PRKAR1B: variants seen among roughly 807,000 people sequenced by gnomAD.
PRKAR1B encodes the protein protein kinase cAMP-dependent type I regulatory subunit beta.
In PRKAR1B, 22 loss-of-function variants were observed where a neutral mutation model predicts 46.5. That is an observed-to-expected ratio of 0.47 (90% confidence interval 0.34 to 0.68). The LOEUF is 0.68. PRKAR1B is among the 30% of genes least tolerant of loss of function. The probability of loss-of-function intolerance (pLI) is 0.01; values close to 1 mark genes in which losing one functional copy is unlikely to be tolerated. For synonymous variants in PRKAR1B, 259 were observed against 217.7 expected (o/e 1.19, Z -1.67); for missense variants, 445 against 535.6 (o/e 0.83, Z 1.67).
At chr7:566,419 AC>A (rs1178607244) in intron 9 of PRKAR1B, among the ~76,000 whole-genome samples, 1 of 151,862 alleles carries the variant, frequency 6.6e-6, no homozygotes, top group Admixed American at 6.6e-5. Flanking sequence ...CATCATTATC[AC>A]CATCACCACC....
intron 4 of PRKAR1B, among the ~76,000 whole-genome samples, chr7:657,561 G>A (rs1785280441): frequency 6.6e-6 from 1 of 152,166 alleles, no homozygotes; most frequent in African/African-American, 2.4e-5. Flanking sequence ...ACAAAGCTAT[G>A]GGGGTGGTGG....
At position 628,176 on chromosome 7, in the gene PRKAR1B, C is replaced by G. The variant is rs559962676; in HGVS notation, c.441-20724G>C. Among the ~76,000 whole-genome samples, 4 of 152,372 alleles carry G rather than the reference C, an allele frequency of 2.6e-5. 1 individual carries two copies. In the South Asian group the frequency reaches 6.2e-4, roughly 24 times the overall value. On this transcript the variant is annotated intron_variant, in intron 4 of 10. Transcript: ENST00000537384. The stretch of plus-strand genomic sequence containing the variant: ...CATCAGGCACCCCTGGGGCAGCAAA[C>G]AGGTTTTGCTATTTGCTCAACCAGA...
chr7:635,966 ACGTCCTC>A (rs1784036679), intron 4 of PRKAR1B, among the ~76,000 whole-genome samples: 2 of 125,504 alleles, frequency 1.6e-5, no homozygotes, highest in Non-Finnish European at 3.5e-5. Context: ...CCGCGCCCTC[ACGTCCTC>A]CACCGGCCGC....
At chr7:579,214 C>T in intron 9 of PRKAR1B, 42 bp downstream of exon 9, 2 of 1,613,486 alleles carry the variant, frequency 1.2e-6, no homozygotes, top group Non-Finnish European at 1.7e-6. Context: ...TGCCCCTGCC[C>T]CAGTGCACAC....
At position 609,466 on chromosome 7, in the gene PRKAR1B, C is replaced by A. The variant is rs561469562; in HGVS notation, c.441-2014G>T. On this transcript the variant is annotated intron_variant, in intron 4 of 10. Transcript: ENST00000537384. ...GGAAAACTGTCCAGCATCACAGCTG[C>A]GGCTCCAGCCTCCTCCGGGCCCAGG... is the stretch of plus-strand genomic sequence containing the variant. 2.0e-5 allele frequency among the ~76,000 whole-genome samples: 3 copies of A among 152,240 alleles called. 1 individual carries two copies. In the South Asian group the frequency reaches 6.2e-4, roughly 32 times the overall value.
chr7:675,797 T>G (rs1786546751), intron 4 of PRKAR1B, among the ~76,000 whole-genome samples: 1 of 151,950 alleles, frequency 6.6e-6, no homozygotes, highest in African/African-American at 2.4e-5. Flanking sequence ...AATGCAAAAA[T>G]TAGCCGGGCG....
intron 4 of PRKAR1B, among the ~76,000 whole-genome samples, chr7:661,003 A>G: frequency 2.5e-5 from 1 of 39,308 alleles, no homozygotes; most frequent in Non-Finnish European, 4.6e-5. Context: ...CCAAATACCT[A>G]CTCTCCCCCC....
intron 4 of PRKAR1B, among the ~76,000 whole-genome samples, chr7:615,279 G>A (rs1438321391): frequency 6.6e-6 from 1 of 150,818 alleles, no homozygotes; most frequent in African/African-American, 2.4e-5. Flanking sequence ...CAAAAAATTG[G>A]CTGGGCATGG....
chr7:628,821 A>AAGTCAGGCTCAAGGAC (rs1783562084), intron 4 of PRKAR1B, among the ~76,000 whole-genome samples: 12 of 22,168 alleles, frequency 5.4e-4, no homozygotes, highest in Non-Finnish European at 1.2e-3. Context: ...TTCCTCGCCC[A>AAGTCAGGCTCAAGGAC]CCCCCAAGTC....
intron 9 of PRKAR1B, among the ~76,000 whole-genome samples, chr7:558,818 GC>G (rs577412183): frequency 1.0e-3 from 158 of 152,322 alleles, no homozygotes; most frequent in African/African-American, 3.7e-3. Flanking sequence ...CTTGGAAGGG[GC>G]CCCGGCTTCC....
intron 2 of PRKAR1B, among the ~76,000 whole-genome samples, chr7:698,347 T>C (rs984270681): frequency 6.6e-6 from 1 of 151,976 alleles, no homozygotes; most frequent in Admixed American, 6.6e-5. Context: ...CACAGGAGGG[T>C]GTGAGCACAG....
chr7:685,543 C>G (rs1779050853), intron 2 of PRKAR1B, among the ~76,000 whole-genome samples: 1 of 150,722 alleles, frequency 6.6e-6, no homozygotes, highest in Non-Finnish European at 1.5e-5. Context: ...GTTGACAGAG[C>G]CCACAAGATT....
In PRKAR1B at chr7:644,818, G is replaced by C. The variant is rs1172556301; in HGVS notation, c.440+32411C>G. On this transcript the variant is annotated intron_variant, in intron 4 of 10. Coordinates refer to ENST00000537384, the MANE Select transcript of PRKAR1B (RefSeq NM_001164760.2). The surrounding 1 kb of genome is among the most constrained non-coding windows in gnomAD (Gnocchi z 4.9). ...CTTCCAGGGAAGCGGGCCCCAAAGA[G>C]GCTGGACCGGGCAGTGCCGTCGGCC... Among the ~76,000 whole-genome samples, 1 of 152,156 alleles carries C rather than the reference G, an allele frequency of 6.6e-6. No homozygotes were observed. Among genetic ancestry groups the C allele is most frequent in the East Asian group, 1.9e-4 (1 of 5,176 alleles).
intron 2 of PRKAR1B, among the ~76,000 whole-genome samples, chr7:685,827 A>G (rs929996359): frequency 1.1e-4 from 17 of 152,306 alleles, no homozygotes; most frequent in African/African-American, 4.1e-4. Flanking sequence ...CTTGATCAAT[A>G]CTTTTTAACT....
At chr7:643,082 T>C (rs1268161014) in intron 4 of PRKAR1B, among the ~76,000 whole-genome samples, 1 of 151,590 alleles carries the variant, frequency 6.6e-6, no homozygotes, top group African/African-American at 2.4e-5. Flanking sequence ...GCTGAGCACA[T>C]TGGCCGTTGG....
rs1272334057 is a variant in PRKAR1B, at chr7:706,321, G to A, written c.177+5008C>T. Reference sequence around the variant, plus strand: ...AGCCTGGACAACAGAGCCAGACCCTGTCTCAAAAAAGAAGATTGATGGTGT... The same window carrying A: ...AGCCTGGACAACAGAGCCAGACCCTATCTCAAAAAAGAAGATTGATGGTGT... On this transcript the variant is annotated intron_variant, in intron 2 of 10. Transcript: ENST00000537384. Among the ~76,000 whole-genome samples, 8 of 150,160 alleles carry A rather than the reference G, an allele frequency of 5.3e-5. No individual in the cohort carries two copies. The East Asian group carries it at 1.6e-3, about 29-fold the overall frequency.
At chr7:559,454 G>A (rs35242537) in intron 9 of PRKAR1B, among the ~76,000 whole-genome samples, 117 of 152,264 alleles carry the variant, frequency 7.7e-4, no homozygotes, top group African/African-American at 2.7e-3. Flanking sequence ...GCTGGTGGTC[G>A]CACTTCCCCA....
intron 8 of PRKAR1B, among the ~76,000 whole-genome samples, chr7:581,633 T>C (rs906602532): frequency 1.3e-5 from 2 of 152,210 alleles, no homozygotes; most frequent in African/African-American, 4.8e-5. Context: ...TATTCTGAGT[T>C]CTAAAAACAA....
chr7:584,214 C>G (rs1780470360), intron 8 of PRKAR1B, among the ~76,000 whole-genome samples: 1 of 152,182 alleles, frequency 6.6e-6, no homozygotes, highest in South Asian at 2.1e-4. Context: ...GGGCGCGGCT[C>G]TGACAGCAAA....
Sources: allele counts gnomAD v4.1 joint callset (sites outside exome capture counted in the v4.1 genomes callset), GRCh38; gene constraint gnomAD v4.1.1; non-coding constraint Gnocchi (gnomAD v3.1); transcripts MANE v1.5; gene names NCBI Gene and HGNC (gene_info 2026-07-23, HGNC 2026-07-21).